Variants in HACD2 observed in about 807,000 individuals in gnomAD.
HACD2 encodes the protein 3-hydroxyacyl-CoA dehydratase 2.
HACD2 carries 15 observed loss-of-function variants against 31.0 expected under a neutral mutation model. That is an observed-to-expected ratio of 0.48 (90% CI 0.32 to 0.75). The LOEUF (loss-of-function observed/expected upper bound fraction) is 0.75, where lower values mean the gene tolerates loss of function less well. HACD2 is among the 30% of genes least tolerant of loss of function. The pLI is 0.03. For missense variants in HACD2, 283 were observed against 313.0 expected, an observed-to-expected ratio of 0.90 and a Z score of 0.72; for synonymous variants, 115 against 122.2, an observed-to-expected ratio of 0.94 and a Z score of 0.39.
At chr3:123,532,126 T>A (rs537007968) in intron 3 of HACD2, among the ~76,000 whole-genome samples, 2 of 152,316 alleles carry the variant, frequency 1.3e-5, no homozygotes, top group South Asian at 4.1e-4. Flanking sequence ...TGGCAGTAAA[T>A]TTAAATCTTA....
chr3:123,570,313 T>G (rs1049888551), intron 2 of HACD2, among the ~76,000 whole-genome samples: 1 of 152,176 alleles, frequency 6.6e-6, no homozygotes, highest in African/African-American at 2.4e-5. Context: ...AATACGTATT[T>G]CAACTTGTAA....
At chr3:123,575,616 G>T (rs2056900039) in intron 2 of HACD2, among the ~76,000 whole-genome samples, 1 of 152,160 alleles carries the variant, frequency 6.6e-6, no homozygotes, top group South Asian at 2.1e-4. Flanking sequence ...TCTGATTAAA[G>T]TTAAATAATC....
At chr3:123,571,721 A>G (rs1650603194) in intron 2 of HACD2, among the ~76,000 whole-genome samples, 1 of 152,182 alleles carries the variant, frequency 6.6e-6, no homozygotes, top group African/African-American at 2.4e-5. Context: ...GAGACCCCCG[A>G]GCAAAGAACC....
rs574301232 is a variant in HACD2, at chr3:123,531,543, A to C, written c.293-3069T>G. On this transcript the variant is annotated intron_variant, in intron 3 of 6. Transcript: ENST00000383657. ...GGTCATCTGAAACTGACCTCAGGTC[A>C]TCCACCCGCTGCCTCGGTCTCCCAA... Among the ~76,000 whole-genome samples, 3 of 152,082 alleles carry C rather than the reference A, an allele frequency of 2.0e-5. No homozygotes were observed. The South Asian group carries it at 6.2e-4, about 32-fold the overall frequency.
chr3:123,579,616 A>C (rs1391356530), intron 2 of HACD2, among the ~76,000 whole-genome samples: 2 of 152,262 alleles, frequency 1.3e-5, no homozygotes, highest in Non-Finnish European at 2.9e-5. Flanking sequence ...CTCAGCTCTA[A>C]TATTATGATG....
At position 123,543,940 on chromosome 3, in the gene HACD2, T is replaced by C. The variant is rs114822768; in HGVS notation, c.293-15466A>G. Among the ~76,000 whole-genome samples the C allele has an allele frequency of 2.9e-3, 444 of 152,358 alleles. 2 individuals carry two copies. Among genetic ancestry groups the C allele is most frequent in the Non-Finnish European group, 4.4e-3 (302 of 68,036 alleles). ...ATTTATACTTTTAGGAAATCTTGGC[T>C]TTTTGAATCTTGAGCCCATAATCAA... On this transcript the variant is annotated intron_variant, in intron 3 of 6. Coordinates refer to ENST00000383657, the MANE Select transcript of HACD2 (RefSeq NM_198402.5).
intron 3 of HACD2, among the ~76,000 whole-genome samples, chr3:123,547,279 A>T (rs2056570907): frequency 6.6e-6 from 1 of 152,200 alleles, no homozygotes; most frequent in African/African-American, 2.4e-5. Flanking sequence ...ACTCTAACCA[A>T]CTAAGCAAAT....
chr3:123,529,036 C>T (rs2056319418), intron 3 of HACD2, among the ~76,000 whole-genome samples: 1 of 150,840 alleles, frequency 6.6e-6, no homozygotes, highest in Non-Finnish European at 1.5e-5. Flanking sequence ...TTGTTCATTA[C>T]AAGCCCTGGC....
At position 123,540,578 on chromosome 3, in the gene HACD2, T is replaced by C. The variant is rs116987645; in HGVS notation, c.293-12104A>G. ...TCTCTGAGAGGACACAGTGAGTCAATTGTAAGTCATGGAAACTTACTCAAA... is the reference window on the plus strand; with the variant it reads ...TCTCTGAGAGGACACAGTGAGTCAACTGTAAGTCATGGAAACTTACTCAAA... On this transcript the variant is annotated intron_variant, in intron 3 of 6. Coordinates refer to ENST00000383657, the MANE Select transcript of HACD2 (RefSeq NM_198402.5). Among the ~76,000 whole-genome samples the C allele has an allele frequency of 5.0e-4, 76 of 152,364 alleles. 1 individual carries two copies. The East Asian group carries it at 0.013, about 26-fold the overall frequency.
intron 4 of HACD2, among the ~76,000 whole-genome samples, chr3:123,514,011 A>T (rs1382489716): frequency 6.6e-6 from 1 of 152,240 alleles, no homozygotes; most frequent in Non-Finnish European, 1.5e-5. Context: ...ATGGTGGCTC[A>T]TGCTTGTAAT....
intron 3 of HACD2, among the ~76,000 whole-genome samples, chr3:123,565,216 G>C (rs1434782324): frequency 6.6e-6 from 1 of 151,762 alleles, no homozygotes; most frequent in Non-Finnish European, 1.5e-5. Context: ...GACATATAAG[G>C]GTATATTTTA....
Position 123,541,249 on chromosome 3 carries a change from C to A in HACD2, c.293-12775G>T, listed in dbSNP as rs2056487500. 2.6e-5 allele frequency among the ~76,000 whole-genome samples: 4 copies of A among 151,956 alleles called. No homozygotes were observed. In the South Asian group the frequency reaches 8.3e-4, roughly 32 times the overall value. On this transcript the variant is annotated intron_variant, in intron 3 of 6. Coordinates refer to ENST00000383657, the MANE Select transcript of HACD2 (RefSeq NM_198402.5). Reference sequence around the variant, plus strand: ...TTGCACCACTGCACTCCAGACTGGGCAACAGAGTGAGACTCTGTCCAAAAA... The same window carrying A: ...TTGCACCACTGCACTCCAGACTGGGAAACAGAGTGAGACTCTGTCCAAAAA...
rs1280768729 is a variant in HACD2, at chr3:123,584,967, C to G, written c.61G>C (p.Gly21Arg). The G allele has an allele frequency of 6.5e-7, 1 of 1,527,662 alleles. No homozygotes were observed. The allele number at this position is 1,527,662 out of a possible 1,614,324, so 94.6% of individuals were successfully genotyped here. A position where few individuals can be genotyped will look rare whatever the true frequency, so the allele number is the denominator to read the frequency against. The change falls in exon 1 of 7, where the codon GGG (glycine) becomes CGG (arginine). Residue 21 changes from glycine to arginine, a missense_variant. Physicochemically the swap from Gly to Arg is moderately radical, Grantham distance 125. Coordinates refer to ENST00000383657, the MANE Select transcript of HACD2 (RefSeq NM_198402.5). ...CGCGTGCCGCTGGCGTCCCCGGCCC[C>G]GGCCCTGCCACCGCCGCCCCCATTC... The part of the protein sequence containing the change: ...KGNGGGGGRA[G>R]AGDASGTRKK...
chr3:123,501,287 C>T (rs1446698978), intron 5 of HACD2, among the ~76,000 whole-genome samples: 1 of 152,220 alleles, frequency 6.6e-6, no homozygotes, highest in Non-Finnish European at 1.5e-5. Flanking sequence ...AAACACCCCA[C>T]AATTACAATT....
Position 123,494,960 on chromosome 3 carries a change from C to T in HACD2, c.693G>A (p.Gln231=). The part of the protein sequence containing the change: ...IMISYIPIFP[Q]LYFHMIHQRR... ...TCTGGTGTATCATGTGGAAGTATAA[C>T]TGGGGAAAAACTGAAAAGAAAAGAA... is the stretch of plus-strand genomic sequence containing the variant. The change falls in exon 7 of 7, where the codon CAG becomes CAA. Residue 231 remains glutamine (Q), a synonymous_variant. Coordinates refer to ENST00000383657, the MANE Select transcript of HACD2 (RefSeq NM_198402.5). The T allele has an allele frequency of 6.4e-7, 1 of 1,554,088 alleles. No individual in the cohort carries two copies. The highest frequency in any genetic ancestry group is 1.4e-5 in the African/African-American group (1 of 73,428).
chr3:123,534,436 G>A (rs1336963351), intron 3 of HACD2, among the ~76,000 whole-genome samples: 1 of 151,604 alleles, frequency 6.6e-6, no homozygotes, highest in Non-Finnish European at 1.5e-5. Context: ...CAAATCTAGT[G>A]TGCTGCTAGT....
At chr3:123,553,906 C>G (rs1439025168) in intron 3 of HACD2, among the ~76,000 whole-genome samples, 1 of 151,504 alleles carries the variant, frequency 6.6e-6, no homozygotes, top group Non-Finnish European at 1.5e-5. Context: ...CAATGTGTCA[C>G]AGTTCCTGAC....
At chr3:123,547,622 A>C (rs1559922544) in intron 3 of HACD2, among the ~76,000 whole-genome samples, 1 of 152,190 alleles carries the variant, frequency 6.6e-6, no homozygotes, top group Admixed American at 6.5e-5. Flanking sequence ...TGGAGTCTGC[A>C]CTGAGAGTCA....
At chr3:123,579,936 G>A (rs754483825) in intron 2 of HACD2, among the ~76,000 whole-genome samples, 6 of 152,160 alleles carry the variant, frequency 3.9e-5, no homozygotes, top group Admixed American at 2.6e-4. Context: ...ATTTACAAAT[G>A]AAAAGGAGGT....
Sources: allele counts gnomAD v4.1 joint callset (sites outside exome capture counted in the v4.1 genomes callset), GRCh38; gene constraint gnomAD v4.1.1; transcripts MANE v1.5; gene names NCBI Gene and HGNC (gene_info 2026-07-23, HGNC 2026-07-21).